The following ENTPD4 variants were observed in gnomAD, a reference collection of about 807,000 sequenced individuals.
ENTPD4 encodes the protein Golgi UDPase.
ENTPD4 carries 60 observed loss-of-function variants against 79.1 expected under a neutral mutation model. The ratio of observed to expected loss-of-function variants is 0.76; its 90% CI spans 0.62 to 0.94. The LOEUF (loss-of-function observed/expected upper bound fraction) is 0.94. Ranked by LOEUF, ENTPD4 falls within the 40% of genes least tolerant of loss-of-function variation. The probability of loss-of-function intolerance (pLI) is 0.00; values close to 1 mark genes in which losing one functional copy is unlikely to be tolerated. For synonymous variants in ENTPD4, 276 were observed against 292.0 expected (o/e 0.95, Z 0.56); for missense variants, 772 against 775.1 (o/e 1.00, Z 0.05).
chr8:23,433,700 C>T (rs1481135552), intron 12 of ENTPD4, among the ~76,000 whole-genome samples: 1 of 152,182 alleles, frequency 6.6e-6, no homozygotes, highest in Non-Finnish European at 1.5e-5. Context: ...TGAATGCAGA[C>T]AACAAACTAT....
At position 23,433,110 on chromosome 8, in the gene ENTPD4, C is replaced by T. The variant is rs781204181; in HGVS notation, c.1667G>A (p.Arg556Gln). The T allele has an allele frequency of 1.2e-6, 2 of 1,614,178 alleles. No individual in the cohort carries two copies. Among genetic ancestry groups the T allele is most frequent in the Admixed American group, 1.7e-5 (1 of 60,034 alleles). ...EAFRASHTHW[R>Q]GVSFVYNHYL... Reference sequence around the variant, plus strand: ...GTGGTTGTAGACAAAGGAAACGCCCCGCCAGTGGGTGTGACTGGCTCGGAA... The same window carrying T: ...GTGGTTGTAGACAAAGGAAACGCCCTGCCAGTGGGTGTGACTGGCTCGGAA... Residue 556 changes from arginine to glutamine, a missense_variant, in exon 13 of 13, where the codon CGG becomes CAG. By Grantham distance (43) the Arg-to-Gln change is conservative. Coordinates refer to ENST00000358689, the MANE Select transcript of ENTPD4 (RefSeq NM_004901.5).
chr8:23,442,092 G>A, intron 6 of ENTPD4, 26 bp from the exon 7 acceptor site: 3 of 1,589,516 alleles, frequency 1.9e-6, no homozygotes, highest in Non-Finnish European at 2.6e-6. Context: ...AGGGTGAAGA[G>A]AAGAAAAAGT....
At chr8:23,439,140 AAT>A (rs1200148963) in intron 9 of ENTPD4, among the ~76,000 whole-genome samples, 3 of 152,228 alleles carry the variant, frequency 2.0e-5, no homozygotes. Context: ...AATTTAAACC[AAT>A]AGAGTGCTGT....
chr8:23,437,844 G>A (rs1250633383), intron 9 of ENTPD4, among the ~76,000 whole-genome samples: 1 of 152,230 alleles, frequency 6.6e-6, no homozygotes, highest in Non-Finnish European at 1.5e-5. Flanking sequence ...GAGGGGTGCA[G>A]TGCATGCCAA....
chr8:23,445,641 A>T (rs12675370), intron 4 of ENTPD4, among the ~76,000 whole-genome samples: 41,476 of 152,044 alleles, frequency 0.27, 5,922 homozygotes, highest in East Asian at 0.44. Context: ...CAGAACCCTG[A>T]AGACAACTCT....
Position 23,430,003 on chromosome 8 carries a change from T to C in ENTPD4, c.*2923A>G. 4.1e-6 allele frequency: 4 copies of C among 985,460 alleles called. No individual in the cohort carries two copies. Among genetic ancestry groups the C allele is most frequent in the Non-Finnish European group, 4.8e-6 (4 of 829,924 alleles). The allele number at this position is 985,460 out of a possible 1,614,324, so 61.0% of individuals were successfully genotyped here. On this transcript the variant is annotated 3_prime_UTR_variant, in exon 13 of 13. Transcript: ENST00000358689. Reference sequence around the variant, plus strand: ...ATGTTTCTACCAAGATTGAACACAATGCTTTTCTTTGATAAAGCTTTGGGC... The same window carrying C: ...ATGTTTCTACCAAGATTGAACACAACGCTTTTCTTTGATAAAGCTTTGGGC...
At position 23,429,695 on chromosome 8, in the gene ENTPD4, TGA is replaced by T. The variant is rs1336334256; in HGVS notation, c.*3229_*3230del. The stretch of plus-strand genomic sequence containing the variant: ...GTACACAGATGTGGAAAACTGGTGG[TGA>T]AAAGAGGGACCTACCCAGCCTTCAG... On this transcript the variant is annotated 3_prime_UTR_variant, in exon 13 of 13. Coordinates refer to ENST00000358689, the MANE Select transcript of ENTPD4 (RefSeq NM_004901.5). 4 of 985,234 alleles carry T rather than the reference TGA, an allele frequency of 4.1e-6. No individual in the cohort carries two copies. Among genetic ancestry groups the T allele is most frequent in the Non-Finnish European group, 4.8e-6 (4 of 829,918 alleles). 61.0% of individuals were successfully genotyped at this position (985,234 alleles called of 1,614,324 possible).
At chr8:23,441,258 A>G (rs1312311247) in intron 8 of ENTPD4, 1 of 205,338 alleles carries the variant, frequency 4.9e-6, no homozygotes, top group African/African-American at 2.4e-5. Flanking sequence ...ATTATTTTAC[A>G]TTTCATAAAA....
At chr8:23,439,660 T>C (rs1000547558) in intron 9 of ENTPD4, 89 bp downstream of exon 9, 37 of 1,216,796 alleles carry the variant, frequency 3.0e-5, no homozygotes, top group East Asian at 1.4e-4. Context: ...CTTTTGCTAA[T>C]TGAGTTCTTC....
At position 23,436,929 on chromosome 8, in the gene ENTPD4, G is replaced by C. The variant is rs770128589; in HGVS notation, c.1374+5C>G. ...TGCAGAGCAGACGGCGTCTCTCAAGGGTACCTTTGCAGCTTTAGTAAATTT... is the reference window on the plus strand; with the variant it reads ...TGCAGAGCAGACGGCGTCTCTCAAGCGTACCTTTGCAGCTTTAGTAAATTT... On this transcript the variant is annotated splice_donor_5th_base_variant and intron_variant, in intron 10 of 12. Transcript: ENST00000358689. 2.3e-5 allele frequency: 36 copies of C among 1,575,418 alleles called. No homozygotes were observed. The highest frequency in any genetic ancestry group is 2.0e-4 in the Admixed American group (11 of 56,098).
At chr8:23,451,673 A>C (rs151287259) in intron 1 of ENTPD4, among the ~76,000 whole-genome samples, 1 of 152,286 alleles carries the variant, frequency 6.6e-6, no homozygotes, top group Non-Finnish European at 1.5e-5. Flanking sequence ...TTTACACTGC[A>C]TTCCAGCCAC....
At chr8:23,434,975 T>C (rs935081933) in intron 11 of ENTPD4, among the ~76,000 whole-genome samples, 2 of 152,190 alleles carry the variant, frequency 1.3e-5, no homozygotes, top group African/African-American at 4.8e-5. Context: ...TTAAGTGACT[T>C]ACAATGAAAG....
In ENTPD4 at chr8:23,436,963, T is replaced by C; in HGVS notation, c.1345A>G (p.Asn449Asp). 6.2e-7 allele frequency: 1 copy of C among 1,607,782 alleles called. No individual in the cohort carries two copies. The highest frequency in any genetic ancestry group is 1.7e-5 in the Admixed American group (1 of 59,196). The change falls in exon 10 of 13, where the codon AAT becomes GAT. Residue 449 changes from asparagine (N) to aspartate (D), a missense_variant. Asn to Asp is a conservative substitution (Grantham distance 23, BLOSUM62 1). Coordinates refer to ENST00000358689, the MANE Select transcript of ENTPD4 (RefSeq NM_004901.5). ...GCAGCTTTAGTAAATTTAGCAGCAT[T>C]GTAGTCTCCCCCCATTCGTAACACA... is the stretch of plus-strand genomic sequence containing the variant. Reference protein sequence around the residue: ...EDVLRMGGDYNAAKFTKAAKD... With the variant: ...EDVLRMGGDYDAAKFTKAAKD...
Position 23,431,131 on chromosome 8 carries a change from G to A in ENTPD4, c.*1795C>T. On this transcript the variant is annotated 3_prime_UTR_variant, in exon 13 of 13. Transcript: ENST00000358689. ...GGCAGTTTGAGCCACAACTGGGACA[G>A]AATTCCCTTGGTCTTCTCTTCTGAT... 5.1e-6 allele frequency: 2 copies of A among 393,840 alleles called. No homozygotes were observed. The highest frequency in any genetic ancestry group is 6.9e-6 in the Non-Finnish European group (2 of 289,606). The allele number at this position is 393,840 out of a possible 1,614,324, so 24.4% of individuals were successfully genotyped here. A position where few individuals can be genotyped will look rare whatever the true frequency, so the allele number is the denominator to read the frequency against.
chr8:23,456,427 A>C (rs1800959975), intron 1 of ENTPD4, among the ~76,000 whole-genome samples: 1 of 152,238 alleles, frequency 6.6e-6, no homozygotes, highest in Non-Finnish European at 1.5e-5. Flanking sequence ...CTCTTTATTC[A>C]TGAGTAGTCT....
intron 1 of ENTPD4, among the ~76,000 whole-genome samples, chr8:23,451,644 A>G (rs1480440783): frequency 6.6e-6 from 1 of 152,116 alleles, no homozygotes; most frequent in Non-Finnish European, 1.5e-5. Flanking sequence ...CTCTGACCTC[A>G]TCGTCTGCTC....
chr8:23,436,749 C>T (rs888078776), intron 10 of ENTPD4, among the ~76,000 whole-genome samples, 185 bp downstream of exon 10: 4 of 152,148 alleles, frequency 2.6e-5, no homozygotes, highest in African/African-American at 7.2e-5. Context: ...GCGTACAGTA[C>T]ATTTTTTACT....
chr8:23,452,981 G>A (rs1800892680), intron 1 of ENTPD4, among the ~76,000 whole-genome samples: 1 of 152,214 alleles, frequency 6.6e-6, no homozygotes, highest in Non-Finnish European at 1.5e-5. Context: ...TGTTTCCCCC[G>A]TGACCAGTGC....
At chr8:23,448,995 A>C in intron 2 of ENTPD4, 56 bp from the exon 3 acceptor site, 2 of 1,382,674 alleles carry the variant, frequency 1.4e-6, no homozygotes, top group Non-Finnish European at 2.0e-6. Context: ...GGCTTCCTTC[A>C]CCTAAAGTGA....
Sources: gnomAD v4.1 joint callset for allele counts (sites outside exome capture counted in the v4.1 genomes callset) on GRCh38, gnomAD v4.1.1 for gene constraint, MANE v1.5 for transcripts, NCBI Gene and HGNC (gene_info 2026-07-23, HGNC 2026-07-21) for gene names.